The following USP16 variants were observed in gnomAD, a reference collection of about 807,000 sequenced individuals.
USP16 encodes ubiquitin specific peptidase 16, also known as ubiquitin carboxyl-terminal hydrolase 16.
In USP16, 77 loss-of-function variants were observed where a neutral mutation model predicts 95.9. That is an observed-to-expected ratio of 0.80 (90% CI 0.67 to 0.97). The LOEUF is 0.97. Ranked by LOEUF, USP16 falls within the 50% of genes least tolerant of loss-of-function variation. The pLI is 0.00. For missense variants in USP16, 943 were observed against 959.9 expected, an observed-to-expected ratio of 0.98 and a Z score of 0.23; for synonymous variants, 303 against 318.2, an observed-to-expected ratio of 0.95 and a Z score of 0.51.
At position 29,043,525 on chromosome 21, in the gene USP16, A is replaced by T. The variant is rs1403950122; in HGVS notation, c.1282A>T (p.Arg428Ter). Residue 428 changes from arginine to a stop codon, truncating the protein, a stop_gained, in exon 13 of 18, where the codon AGA becomes TGA. Transcript: ENST00000399976. LOFTEE classifies it high-confidence loss of function. Reference sequence around the variant, plus strand: ...AGATAACGACAGTTACATAAAAGAGAGAAGTGATATTCCTTCTGGAACAAG... The same window carrying T: ...AGATAACGACAGTTACATAAAAGAGTGAAGTGATATTCCTTCTGGAACAAG... ...EKDNDSYIKE[R>*]SDIPSGTSKH... 1 of 1,601,764 alleles carries T rather than the reference A, an allele frequency of 6.2e-7. No individual in the cohort carries two copies. Among genetic ancestry groups the T allele is most frequent in the Admixed American group, 1.7e-5 (1 of 57,566 alleles).
chr21:29,050,537 A>G (rs2085398283), intron 16 of USP16, among the ~76,000 whole-genome samples: 1 of 152,238 alleles, frequency 6.6e-6, no homozygotes, highest in Non-Finnish European at 1.5e-5. Context: ...TTGGTGGTTC[A>G]GGAATGGCTT....
intron 2 of USP16, 48 bp from the exon 3 acceptor site, chr21:29,030,547 A>G (rs745345757): frequency 2.1e-6 from 3 of 1,433,516 alleles, no homozygotes; most frequent in African/African-American, 2.9e-5. Context: ...AACTGAAGAA[A>G]GTCATTTTTG....
intron 3 of USP16, 135 bp from the exon 4 acceptor site, chr21:29,034,702 A>T: frequency 2.7e-6 from 2 of 749,234 alleles, no homozygotes; most frequent in South Asian, 3.8e-5. Flanking sequence ...TTGATTCTAG[A>T]GTCTAACATT....
chr21:29,035,111 G>A (rs2085134436), intron 4 of USP16, among the ~76,000 whole-genome samples, 171 bp downstream of exon 4: 1 of 152,160 alleles, frequency 6.6e-6, no homozygotes, highest in South Asian at 2.1e-4. Flanking sequence ...CTTTTACTTG[G>A]ACGTTTGCAC....
chr21:29,039,588 T>G lies in USP16; in HGVS notation c.951+20T>G, dbSNP rs118148152. On this transcript the variant is annotated intron_variant, in intron 9 of 17. Coordinates refer to ENST00000399976, the MANE Select transcript of USP16 (RefSeq NM_006447.3). Reference sequence around the variant, plus strand: ...CACCAAGTTAGCATGTTATGACCATTGTATTTTATGATCTTATCTTCATAA... The same window carrying G: ...CACCAAGTTAGCATGTTATGACCATGGTATTTTATGATCTTATCTTCATAA... 3.1e-6 allele frequency: 5 copies of G among 1,601,788 alleles called. No homozygotes were observed. The South Asian group carries it at 4.4e-5, about 14-fold the overall frequency.
Position 29,038,430 on chromosome 21 carries a change from A to G in USP16, c.732A>G (p.Thr244=), listed in dbSNP as rs1269276859. 1 of 1,606,584 alleles carries G rather than the reference A, an allele frequency of 6.2e-7. No homozygotes were observed. Residue 244 remains threonine, a splice_region_variant and synonymous_variant, in exon 7 of 18, where the codon ACA becomes ACG. Coordinates refer to ENST00000399976, the MANE Select transcript of USP16 (RefSeq NM_006447.3). ...VKIEPPDLAL[T]EPLEINLEPP... is the part of the protein sequence containing the mutation. ...TTGAACCACCTGATTTGGCATTAAC[A>G]GTATGTTCTTTAAACTTTTCTAGTC...
chr21:29,026,771 G>A (rs1466416114), intron 1 of USP16: 1 of 151,908 alleles, frequency 6.6e-6, no homozygotes, highest in Non-Finnish European at 1.5e-5. Flanking sequence ...TCTATTTAAA[G>A]TGTTGTTATG....
intron 6 of USP16, 46 bp downstream of exon 6, chr21:29,037,509 A>G: frequency 1.4e-6 from 2 of 1,424,528 alleles, no homozygotes; most frequent in African/African-American, 1.5e-5. Flanking sequence ...CCTTTTCCTC[A>G]TAGAATCTGC....
At chr21:29,033,893 G>A (rs2085113094) in intron 3 of USP16, among the ~76,000 whole-genome samples, 1 of 152,216 alleles carries the variant, frequency 6.6e-6, no homozygotes, top group Admixed American at 6.5e-5. Flanking sequence ...ATCTTGAAGA[G>A]TGGGTGGGAT....
At chr21:29,034,493 A>C (rs137983272) in intron 3 of USP16, among the ~76,000 whole-genome samples, 1 of 152,024 alleles carries the variant, frequency 6.6e-6, no homozygotes, top group East Asian at 1.9e-4. Context: ...TTGTATTTTT[A>C]GTAGAGATGG....
rs1341317465 is a variant in USP16 at position 29,030,021 on chromosome 21, G to GA, written c.62-574_62-573insA. Among the ~76,000 whole-genome samples the GA allele has an allele frequency of 2.0e-5, 3 of 152,048 alleles. No individual in the cohort carries two copies. In the East Asian group the frequency reaches 5.8e-4, roughly 29 times the overall value. On this transcript the variant is annotated intron_variant, in intron 2 of 17. Coordinates refer to ENST00000399976, the MANE Select transcript of USP16 (RefSeq NM_006447.3). Reference sequence around the variant, plus strand: ...TTTTTATTACTATTATTATCTTCTAGGATTGCACAGATGTTACCTCCCCTG... The same window carrying GA: ...TTTTTATTACTATTATTATCTTCTAGAGATTGCACAGATGTTACCTCCCCTG...
intron 5 of USP16, 52 bp from the exon 6 acceptor site, chr21:29,037,224 C>T (rs574011587): frequency 1.7e-6 from 2 of 1,162,892 alleles, no homozygotes; most frequent in African/African-American, 1.6e-5. Flanking sequence ...TATACTTCTG[C>T]ATTCGATATG....
intron 14 of USP16, among the ~76,000 whole-genome samples, chr21:29,047,549 C>T (rs975456770): frequency 6.6e-6 from 1 of 152,188 alleles, no homozygotes; most frequent in African/African-American, 2.4e-5. Flanking sequence ...ACATCTCTCC[C>T]TGTGGGTAAA....
At chr21:29,050,977 T>C (rs1050678736) in intron 16 of USP16, among the ~76,000 whole-genome samples, 1 of 152,174 alleles carries the variant, frequency 6.6e-6, no homozygotes, top group African/African-American at 2.4e-5. Context: ...CAGCCAGTAG[T>C]TGATGAGGGC....
At chr21:29,045,276 C>T (rs536101929) in intron 13 of USP16, among the ~76,000 whole-genome samples, 1 of 152,168 alleles carries the variant, frequency 6.6e-6, no homozygotes, top group Non-Finnish European at 1.5e-5. Context: ...AGAGTAGCCT[C>T]ACAGGGGCTG....
At chr21:29,039,399 A>T (rs1601057148) in intron 8 of USP16, 82 bp from the exon 9 acceptor site, 1 of 1,442,948 alleles carries the variant, frequency 6.9e-7, no homozygotes, top group East Asian at 2.4e-5. Context: ...GAGATTTGGG[A>T]TATGATCCTA....
chr21:29,047,004 G>A lies in USP16; in HGVS notation c.1694G>A (p.Gly565Glu), dbSNP rs756433198. The A allele has an allele frequency of 3.1e-6, 5 of 1,614,048 alleles. No homozygotes were observed. In the East Asian group the frequency reaches 6.7e-5, roughly 22 times the overall value. Reference sequence around the variant, plus strand: ...TTAAATGGTGCCTACCTAACGGAAGGGAGCAATGGAGAAGTGGACATTTCC... The same window carrying A: ...TTAAATGGTGCCTACCTAACGGAAGAGAGCAATGGAGAAGTGGACATTTCC... Reference protein sequence around the residue: ...RNLNGAYLTEGSNGEVDISNG... With the variant: ...RNLNGAYLTEESNGEVDISNG... The change falls in exon 14 of 18, where the codon GGG becomes GAG. Residue 565 changes from glycine to glutamate, a missense_variant. Transcript: ENST00000399976.
At chr21:29,035,943 CA>C (rs1601050657) in intron 4 of USP16, among the ~76,000 whole-genome samples, 1 of 151,702 alleles carries the variant, frequency 6.6e-6, no homozygotes, top group South Asian at 2.1e-4. Context: ...ACAAAACAAA[CA>C]AAAAAAAGTT....
intron 13 of USP16, among the ~76,000 whole-genome samples, chr21:29,045,243 G>T (rs1413259687): frequency 6.6e-6 from 1 of 152,114 alleles, no homozygotes. Context: ...CCTGTTTGCT[G>T]CCCTTCATTC....
Sources: allele counts gnomAD v4.1 joint callset (sites outside exome capture counted in the v4.1 genomes callset), GRCh38; gene constraint gnomAD v4.1.1; transcripts MANE v1.5; gene names NCBI Gene and HGNC (gene_info 2026-07-23, HGNC 2026-07-21).